Variants in SLC5A1 observed in about 807,000 individuals in gnomAD.
SLC5A1 encodes solute carrier family 5 member 1, also known as sodium/glucose cotransporter 1.
Under a neutral mutation model 73.5 loss-of-function variants are expected in SLC5A1, and 42 were observed. The ratio of observed to expected loss-of-function variants is 0.57; its 90% CI spans 0.45 to 0.74. SLC5A1 has a LOEUF of 0.74. Among genes scored for constraint, SLC5A1 ranks in the 30% least tolerant of loss-of-function variants. The pLI is 0.00. For synonymous variants in SLC5A1, 300 were observed against 317.4 expected, an observed-to-expected ratio of 0.95 and a Z score of 0.58; for missense variants, 634 against 855.4, an observed-to-expected ratio of 0.74 and a Z score of 3.23.
intron 14 of SLC5A1, among the ~76,000 whole-genome samples, chr22:32,105,289 A>AT (rs750353760): frequency 4.3e-3 from 555 of 128,198 alleles, no homozygotes; most frequent in East Asian, 6.1e-3. Context: ...TGCACTCTTA[A>AT]TTTTTTTTTT....
chr22:32,067,475 G>A (rs926457366), intron 3 of SLC5A1, among the ~76,000 whole-genome samples: 1 of 151,586 alleles, frequency 6.6e-6, no homozygotes, highest in Non-Finnish European at 1.5e-5. Flanking sequence ...GGGCTCAAGC[G>A]ATGTTCCCAC....
chr22:32,086,402 T>C (rs2094008413), intron 10 of SLC5A1, 75 bp downstream of exon 10: 4 of 973,474 alleles, frequency 4.1e-6, no homozygotes, highest in South Asian at 3.8e-5. Context: ...CCTACATTCC[T>C]GTGAACCTTC....
chr22:32,102,186 C>A lies in SLC5A1; in HGVS notation c.1614C>A (p.Phe538Leu). 1 of 1,614,122 alleles carries A rather than the reference C, an allele frequency of 6.2e-7. No individual in the cohort carries two copies. Among genetic ancestry groups the A allele is most frequent in the Non-Finnish European group, 8.5e-7 (1 of 1,180,020 alleles). Residue 538 changes from phenylalanine (F) to leucine (L), a missense_variant, in exon 13 of 15, where the codon TTC (phenylalanine) becomes TTA (leucine). Phe to Leu is a conservative substitution (Grantham distance 22, BLOSUM62 0). Transcript: ENST00000266088. Reference protein sequence around the residue: ...YFAIILFAISFITIVVISLLT... With the variant: ...YFAIILFAISLITIVVISLLT... Reference sequence around the variant, plus strand: ...CCATTATCCTCTTCGCCATTTCTTTCATCACCATCGTGGTCATCTCCCTCC... The same window carrying A: ...CCATTATCCTCTTCGCCATTTCTTTAATCACCATCGTGGTCATCTCCCTCC...
rs202129828 is a variant in SLC5A1, at chr22:32,084,392, C to T, written c.665-47C>T. 182 of 1,523,442 alleles carry T rather than the reference C, an allele frequency of 1.2e-4. No individual in the cohort carries two copies. The East Asian group carries it at 2.9e-3, about 24-fold the overall frequency. The allele number at this position is 1,523,442 out of a possible 1,614,324, so 94.4% of individuals were successfully genotyped here. A position where few individuals can be genotyped will look rare whatever the true frequency, so the allele number is the denominator to read the frequency against. ...CATCTATGGAAAGAAGCTGCTATGA[C>T]GAGTTGAAGGTTTCAGAATGTTCAT... On this transcript the variant is annotated intron_variant, in intron 7 of 14. Coordinates refer to ENST00000266088, the MANE Select transcript of SLC5A1 (RefSeq NM_000343.4).
In SLC5A1 at chr22:32,104,727, C is replaced by G. The variant is rs1485670170; in HGVS notation, c.1666-59C>G. Reference sequence around the variant, plus strand: ...GATGCATATCTCTTTGCCCCCCCAACTTCTTGTCCCAAGATGCTATTTGGA... The same window carrying G: ...GATGCATATCTCTTTGCCCCCCCAAGTTCTTGTCCCAAGATGCTATTTGGA... On this transcript the variant is annotated intron_variant, in intron 13 of 14. Coordinates refer to ENST00000266088, the MANE Select transcript of SLC5A1 (RefSeq NM_000343.4). The G allele has an allele frequency of 2.9e-6, 4 of 1,395,726 alleles. No individual in the cohort carries two copies. The Admixed American group carries it at 5.2e-5, about 18-fold the overall frequency. 86.5% of individuals were successfully genotyped at this position (1,395,726 alleles called of 1,614,324 possible).
Position 32,043,614 on chromosome 22 carries a change from C to T in SLC5A1, c.135+198C>T, listed in dbSNP as rs564990227. On this transcript the variant is annotated intron_variant, in intron 1 of 14. Transcript: ENST00000266088. This position sits in a 1 kb window ranked among gnomAD's most constrained non-coding sequence, Gnocchi z 6.5. Reference sequence around the variant, plus strand: ...AGGATGAGCAGAAGTGAGAAGGGTGCCCAGGGCAGCCTGCCAGGAAGGACC... The same window carrying T: ...AGGATGAGCAGAAGTGAGAAGGGTGTCCAGGGCAGCCTGCCAGGAAGGACC... 4.6e-5 allele frequency among the ~76,000 whole-genome samples: 7 copies of T among 151,994 alleles called. No individual in the cohort carries two copies. The highest frequency in any genetic ancestry group is 1.0e-4 in the Non-Finnish European group (7 of 67,994).
intron 10 of SLC5A1, among the ~76,000 whole-genome samples, chr22:32,091,144 T>C (rs1258062532): frequency 6.7e-6 from 1 of 148,596 alleles, no homozygotes; most frequent in Non-Finnish European, 1.5e-5. Context: ...ATCAGATACA[T>C]GATTTGCACG....
intron 5 of SLC5A1, among the ~76,000 whole-genome samples, chr22:32,069,655 T>C (rs2093979671): frequency 6.6e-6 from 1 of 152,208 alleles, no homozygotes; most frequent in Non-Finnish European, 1.5e-5. Flanking sequence ...ATGATAAATA[T>C]ATACAATTTT....
At chr22:32,070,409 T>G (rs920410498) in intron 5 of SLC5A1, among the ~76,000 whole-genome samples, 1 of 151,472 alleles carries the variant, frequency 6.6e-6, no homozygotes, top group African/African-American at 2.4e-5. Flanking sequence ...CATAGCTCAG[T>G]GCAGCCTCTA....
At chr22:32,059,482 C>A in intron 2 of SLC5A1, 2 of 397,072 alleles carry the variant, frequency 5.0e-6, no homozygotes, top group Non-Finnish European at 6.8e-6. Context: ...ACGAAAATGT[C>A]ATAAACAAAA....
intron 1 of SLC5A1, among the ~76,000 whole-genome samples, chr22:32,049,167 AT>A (rs2093941573): frequency 7.2e-4 from 2 of 2,778 alleles, no homozygotes; most frequent in Non-Finnish European, 1.2e-3. Flanking sequence ...TATATAATCT[AT>A]ATCTATATCT....
chr22:32,090,599 G>A (rs1047019410), intron 10 of SLC5A1, among the ~76,000 whole-genome samples: 10 of 151,624 alleles, frequency 6.6e-5, no homozygotes, highest in East Asian at 3.9e-4. Flanking sequence ...CCTCCTTTTT[G>A]GGTATTACAA....
chr22:32,069,626 T>G lies in SLC5A1; in HGVS notation c.477+1026T>G, dbSNP rs2093979630. 3.3e-5 allele frequency among the ~76,000 whole-genome samples: 5 copies of G among 152,274 alleles called. 1 individual carries two copies. In the South Asian group the frequency reaches 1.0e-3, roughly 32 times the overall value. Reference sequence around the variant, plus strand: ...ACTGAGCCATCCCATAATATATAGTTTAAAGTATCATGTAGTACATGATAA... The same window carrying G: ...ACTGAGCCATCCCATAATATATAGTGTAAAGTATCATGTAGTACATGATAA... On this transcript the variant is annotated intron_variant, in intron 5 of 14. Coordinates refer to ENST00000266088, the MANE Select transcript of SLC5A1 (RefSeq NM_000343.4).
intron 14 of SLC5A1, among the ~76,000 whole-genome samples, chr22:32,108,958 T>C (rs2094051256): frequency 6.6e-6 from 1 of 152,094 alleles, no homozygotes; most frequent in South Asian, 2.1e-4. Flanking sequence ...GGAGTATTGC[T>C]TGAGTCCAGG....
chr22:32,084,746 A>T, intron 8 of SLC5A1, 87 bp downstream of exon 8: 1 of 1,510,912 alleles, frequency 6.6e-7, no homozygotes, highest in Non-Finnish European at 9.1e-7. Flanking sequence ...CAGGGTTGGG[A>T]CAGGGAGGGG....
intron 5 of SLC5A1, among the ~76,000 whole-genome samples, chr22:32,080,529 A>C (rs1248622895): frequency 6.6e-6 from 1 of 152,180 alleles, no homozygotes; most frequent in Non-Finnish European, 1.5e-5. Context: ...GAGGAGATGC[A>C]AGATATAAGA....
intron 11 of SLC5A1, among the ~76,000 whole-genome samples, chr22:32,092,392 A>G (rs182649034): frequency 2.0e-5 from 3 of 152,312 alleles, no homozygotes; most frequent in Admixed American, 2.0e-4. Context: ...GCAATTATGA[A>G]TTGTGCTGCT....
chr22:32,085,157 C>G (rs2094006104), intron 9 of SLC5A1, 122 bp downstream of exon 9: 1 of 1,211,952 alleles, frequency 8.3e-7, no homozygotes, highest in African/African-American at 1.5e-5. Flanking sequence ...ACTCTGTCAC[C>G]CAGGCTGGAG....
rs1389135500 is a variant in SLC5A1 at position 32,099,117 on chromosome 22, T to A, written c.1281-66T>A. The A allele has an allele frequency of 5.2e-4, 157 of 301,292 alleles. 2 individuals are homozygous for A. Among genetic ancestry groups the A allele is most frequent in the African/African-American group, 3.5e-3 (146 of 41,168 alleles). 18.7% of individuals were successfully genotyped at this position (301,292 alleles called of 1,614,324 possible). ...AAAAAAAAAAAAAAATATATATATA[T>A]ATATATATATATATACTCATGTAGA... On this transcript the variant is annotated intron_variant, in intron 11 of 14. Coordinates refer to ENST00000266088, the MANE Select transcript of SLC5A1 (RefSeq NM_000343.4).
Sources: gnomAD v4.1 joint callset for allele counts (sites outside exome capture counted in the v4.1 genomes callset) on GRCh38, gnomAD v4.1.1 for gene constraint, Gnocchi (gnomAD v3.1) non-coding constraint, MANE v1.5 for transcripts, NCBI Gene and HGNC (gene_info 2026-07-23, HGNC 2026-07-21) for gene names.